Variants in GALNTL6 observed in about 807,000 individuals in gnomAD.
GALNTL6 encodes the protein polypeptide N-acetylgalactosaminyltransferase like 6.
GALNTL6 carries 46 observed loss-of-function variants against 73.7 expected under a neutral mutation model. The observed-to-expected ratio is 0.62, with a 90% CI of 0.49 to 0.80. GALNTL6 has a LOEUF of 0.80. Among genes scored for constraint, GALNTL6 ranks in the 30% least tolerant of loss-of-function variants. The pLI is 0.00. For missense variants in GALNTL6, 604 were observed against 755.0 expected (o/e 0.80, Z 2.34); for synonymous variants, 259 against 263.7 (o/e 0.98, Z 0.17).
intron 5 of GALNTL6, among the ~76,000 whole-genome samples, chr4:172,464,093 G>T (rs574621832): frequency 2.0e-5 from 3 of 151,988 alleles, no homozygotes; most frequent in Admixed American, 6.6e-5. Context: ...ATGAGACAGG[G>T]TCTTGCTACA....
At chr4:171,996,705 C>G (rs1252187041) in intron 2 of GALNTL6, among the ~76,000 whole-genome samples, 1 of 135,384 alleles carries the variant, frequency 7.4e-6, no homozygotes, top group Non-Finnish European at 1.5e-5. Flanking sequence ...ATAATATATA[C>G]TAACAATAGC....
At chr4:172,153,251 AT>A (rs555716631) in intron 2 of GALNTL6, among the ~76,000 whole-genome samples, 1 of 152,272 alleles carries the variant, frequency 6.6e-6, no homozygotes, top group Non-Finnish European at 1.5e-5. Flanking sequence ...GTTTTACCTC[AT>A]TGCTTTTAAG....
At chr4:172,040,518 GA>G (rs1453832887) in intron 2 of GALNTL6, among the ~76,000 whole-genome samples, 1 of 151,914 alleles carries the variant, frequency 6.6e-6, no homozygotes, top group Non-Finnish European at 1.5e-5. Flanking sequence ...ATACTTGTGA[GA>G]AAAACAATTT....
At chr4:171,899,576 A>C (rs546889771) in intron 2 of GALNTL6, among the ~76,000 whole-genome samples, 2 of 152,318 alleles carry the variant, frequency 1.3e-5, no homozygotes, top group Admixed American at 1.3e-4. Flanking sequence ...GAGAGAATAT[A>C]ACTCAGACAT....
chr4:172,297,563 T>A (rs1334852650), intron 3 of GALNTL6, among the ~76,000 whole-genome samples: 2 of 152,242 alleles, frequency 1.3e-5, no homozygotes, highest in African/African-American at 2.4e-5. Flanking sequence ...CAGTTTCAGC[T>A]TTCTACCTAT....
At chr4:173,020,393 G>A (rs1278429918) in intron 11 of GALNTL6, among the ~76,000 whole-genome samples, 1 of 152,178 alleles carries the variant, frequency 6.6e-6, no homozygotes, top group Non-Finnish European at 1.5e-5. Flanking sequence ...TGGAGAGGCT[G>A]GACTAGGATA....
chr4:172,860,161 T>C (rs888305910), intron 7 of GALNTL6, among the ~76,000 whole-genome samples: 34 of 152,224 alleles, frequency 2.2e-4, no homozygotes, highest in African/African-American at 8.2e-4. Context: ...GTTTTATGCT[T>C]TATAGGTTCT....
At chr4:171,940,864 T>A (rs442419) in intron 2 of GALNTL6, among the ~76,000 whole-genome samples, 3,940 of 142,196 alleles carry the variant, frequency 0.028, 180 homozygotes, top group African/African-American at 0.067. Flanking sequence ...AATAAATAAA[T>A]ATATAAGTCA....
intron 2 of GALNTL6, among the ~76,000 whole-genome samples, chr4:172,183,560 T>C (rs1735323565): frequency 6.6e-6 from 1 of 152,204 alleles, no homozygotes. Flanking sequence ...TCAATCTCTG[T>C]GTTCTGTGAT....
chr4:172,024,107 T>TGCCG (rs1306613442), intron 2 of GALNTL6, among the ~76,000 whole-genome samples: 4 of 151,830 alleles, frequency 2.6e-5, no homozygotes, highest in Non-Finnish European at 4.4e-5. Context: ...GTAGAGTAAA[T>TGCCG]GCCAATGTAT....
intron 4 of GALNTL6, among the ~76,000 whole-genome samples, chr4:172,341,826 G>T (rs555408061): frequency 3.3e-5 from 5 of 152,094 alleles, no homozygotes; most frequent in Non-Finnish European, 7.4e-5. Context: ...CTAGTCTCGG[G>T]TATGTCTTTA....
At chr4:172,016,752 T>C (rs536975277) in intron 2 of GALNTL6, among the ~76,000 whole-genome samples, 1 of 134,902 alleles carries the variant, frequency 7.4e-6, no homozygotes, top group South Asian at 2.4e-4. Context: ...GATTTTTCTT[T>C]TAATTTAATT....
At chr4:172,883,236 C>G (rs1225252243) in intron 8 of GALNTL6, among the ~76,000 whole-genome samples, 1 of 152,190 alleles carries the variant, frequency 6.6e-6, no homozygotes, top group Non-Finnish European at 1.5e-5. Context: ...TTCTTCTCCT[C>G]TAGCTATCTT....
At chr4:172,289,047 A>G (rs1376334397) in intron 3 of GALNTL6, among the ~76,000 whole-genome samples, 1 of 152,140 alleles carries the variant, frequency 6.6e-6, no homozygotes, top group Middle Eastern at 3.2e-3. Flanking sequence ...TTTCATAAAT[A>G]TTTGAATCGT....
intron 7 of GALNTL6, among the ~76,000 whole-genome samples, chr4:172,878,835 GCAAGTATATGTTAC>G (rs549829800): frequency 8.6e-5 from 13 of 151,756 alleles, no homozygotes; most frequent in Non-Finnish European, 1.8e-4. Context: ...CATGCAAGAT[GCAAGTATATGTTAC>G]CTATAAGAAA....
chr4:172,093,224 CTT>C (rs1205909330), intron 2 of GALNTL6, among the ~76,000 whole-genome samples: 1 of 152,192 alleles, frequency 6.6e-6, no homozygotes, highest in African/African-American at 2.4e-5. Flanking sequence ...TCTCAGTCAA[CTT>C]TGACTACACA....
At chr4:172,481,917 T>C (rs338028) in intron 5 of GALNTL6, among the ~76,000 whole-genome samples, 19,093 of 152,232 alleles carry the variant, frequency 0.13, 1,215 homozygotes, top group East Asian at 0.23. Flanking sequence ...TGGATGGGAC[T>C]GAGCGTCAGG....
chr4:172,410,281 C>A (rs1424654686), intron 5 of GALNTL6, among the ~76,000 whole-genome samples: 1 of 151,802 alleles, frequency 6.6e-6, no homozygotes, highest in African/African-American at 2.4e-5. Flanking sequence ...CCATCTTAAC[C>A]ATATATATGC....
At chr4:172,891,441 G>T (rs977833212) in intron 8 of GALNTL6, among the ~76,000 whole-genome samples, 6 of 152,108 alleles carry the variant, frequency 3.9e-5, no homozygotes, top group Non-Finnish European at 2.9e-5. Flanking sequence ...AAAATTCTTG[G>T]TTGGAATTTT....
Sources: allele counts gnomAD v4.1 joint callset (sites outside exome capture counted in the v4.1 genomes callset), GRCh38; gene constraint gnomAD v4.1.1; transcripts MANE v1.5; gene names NCBI Gene and HGNC (gene_info 2026-07-23, HGNC 2026-07-21).